Variants in TRIM49C observed in about 807,000 individuals in gnomAD.
The protein encoded by TRIM49C is tripartite motif-containing protein 49C.
A neutral mutation model predicts 21.4 loss-of-function variants in TRIM49C; 6 were observed. The ratio of observed to expected loss-of-function variants is 0.28; its 90% CI spans 0.15 to 0.55. The LOEUF (loss-of-function observed/expected upper bound fraction) is 0.55. Among genes scored for constraint, TRIM49C ranks in the 20% least tolerant of loss-of-function variants. The probability of loss-of-function intolerance (pLI) is 0.94; values close to 1 mark genes in which losing one functional copy is unlikely to be tolerated. For synonymous variants in TRIM49C, 57 were observed against 148.1 expected, an observed-to-expected ratio of 0.38 and a Z score of 4.47; for missense variants, 161 against 442.4, an observed-to-expected ratio of 0.36 and a Z score of 5.71.
the TRIM49C span, among the ~76,000 whole-genome samples, chr11:90,054,503 A>G: frequency 1.5e-4 from 20 of 137,470 alleles, no homozygotes; most frequent in African/African-American, 4.4e-4. Context: ...ATCTCCATTC[A>G]TTGCTATCTT....
At chr11:90,068,976 C>A in the TRIM49C span, among the ~76,000 whole-genome samples, 3 of 109,438 alleles carry the variant, frequency 2.7e-5, no homozygotes, top group African/African-American at 4.0e-5. Context: ...CAGAACAAGA[C>A]CCTGTTTCGA....
intron 1 of TRIM49C, among the ~76,000 whole-genome samples, chr11:90,031,649 T>C (rs1950688568): frequency 1.3e-5 from 2 of 151,830 alleles, no homozygotes; most frequent in African/African-American, 4.8e-5. Context: ...GAGAAAAACG[T>C]TAAAATAATA....
Position 90,035,886 on chromosome 11 carries a change from A to G in TRIM49C, c.412-2A>G. 1 of 857,712 alleles carries G rather than the reference A, an allele frequency of 1.2e-6. No homozygotes were observed. Among genetic ancestry groups the G allele is most frequent in the Non-Finnish European group, 1.6e-6 (1 of 642,452 alleles). 53.1% of individuals were successfully genotyped at this position (857,712 alleles called of 1,614,324 possible). A position where few individuals can be genotyped will look rare whatever the true frequency, so the allele number is the denominator to read the frequency against. On this transcript the variant is annotated splice_acceptor_variant, in intron 3 of 7. Coordinates refer to ENST00000448984, the MANE Select transcript of TRIM49C (RefSeq NM_001195234.1). LOFTEE classifies it high-confidence loss of function. The stretch of plus-strand genomic sequence containing the variant: ...GTGCTTCAATTTATGGCTCTTTTGC[A>G]GGAGAAGCTTTTACAGAAAATGCAG...
chr11:90,034,585 C>A (rs1815239170), intron 2 of TRIM49C, among the ~76,000 whole-genome samples: 1 of 117,060 alleles, frequency 8.5e-6, no homozygotes, highest in African/African-American at 4.0e-5. Flanking sequence ...CAGTCTTTTT[C>A]TTTGTTTATT....
chr11:90,037,087 GTA>G (rs1565480182), intron 4 of TRIM49C, among the ~76,000 whole-genome samples: 6 of 132,984 alleles, frequency 4.5e-5, no homozygotes, highest in African/African-American at 1.1e-4. Flanking sequence ...ATGTATGTAT[GTA>G]TGTATGTATG....
intron 2 of TRIM49C, among the ~76,000 whole-genome samples, chr11:90,033,761 T>A (rs1370382230): frequency 7.6e-6 from 1 of 131,300 alleles, no homozygotes; most frequent in Admixed American, 8.8e-5. Flanking sequence ...CTGGCCAAGA[T>A]GGCAAAACCC....
At chr11:90,069,003 G>A in the TRIM49C span, among the ~76,000 whole-genome samples, 1 of 124,520 alleles carries the variant, frequency 8.0e-6, no homozygotes, top group South Asian at 3.0e-4. Context: ...AAAAAAAATT[G>A]ATAGAGTGAC....
At chr11:90,031,874 T>C (rs1361710692) in intron 1 of TRIM49C, among the ~76,000 whole-genome samples, 2 of 138,392 alleles carry the variant, frequency 1.4e-5, no homozygotes, top group African/African-American at 5.1e-5. Flanking sequence ...ATACCTGTAC[T>C]CTTAGCACTT....
chr11:90,071,598 C>A, the TRIM49C span: 3 of 601,964 alleles, frequency 5.0e-6, no homozygotes, highest in East Asian at 8.8e-5. Context: ...AGGTACATTA[C>A]AATATCAGAA....
chr11:90,066,019 C>T, the TRIM49C span, among the ~76,000 whole-genome samples: 4 of 138,532 alleles, frequency 2.9e-5, 1 homozygote, highest in East Asian at 8.9e-4. Context: ...TTATCACTTG[C>T]TAACTCTTTT....
chr11:90,041,282 A>G lies in TRIM49C; in HGVS notation c.1091A>G (p.Glu364Gly), dbSNP rs1950768238. Reference protein sequence around the residue: ...AFGVCNMYRKEKNQNEKIDGK... With the variant: ...AFGVCNMYRKGKNQNEKIDGK... ...GGTGTCTGTAATATGTATCGGAAGG[A>G]GAAGAATCAGAATGAGAAGATAGAT... is the stretch of plus-strand genomic sequence containing the variant. The change falls in exon 8 of 8, where the codon GAG becomes GGG. Residue 364 changes from glutamate to glycine, a missense_variant. Glu to Gly is a moderately conservative substitution (Grantham distance 98, BLOSUM62 -2). Around this residue, in one of 3 missense-constraint regions of TRIM49C, gnomAD observed 63 missense variants for 67.6 expected, o/e 0.93. Coordinates refer to ENST00000448984, the MANE Select transcript of TRIM49C (RefSeq NM_001195234.1). 1 of 1,587,862 alleles carries G rather than the reference A, an allele frequency of 6.3e-7. No individual in the cohort carries two copies. The highest frequency in any genetic ancestry group is 1.7e-5 in the Admixed American group (1 of 59,084).
At chr11:90,052,593 G>C in the TRIM49C span, 1 of 144,078 alleles carries the variant, frequency 6.9e-6, no homozygotes, top group South Asian at 2.0e-4. Context: ...TCCCCCAACC[G>C]CTCCCGGCAG....
intron 7 of TRIM49C, 36 bp from the exon 8 acceptor site, chr11:90,041,015 T>A (rs1565481230): frequency 6.8e-7 from 1 of 1,478,060 alleles, no homozygotes; most frequent in East Asian, 2.4e-5. Flanking sequence ...TTTACACATG[T>A]CTATGCATGT....
At chr11:90,066,467 A>T in the TRIM49C span, among the ~76,000 whole-genome samples, 1 of 116,968 alleles carries the variant, frequency 8.5e-6, no homozygotes, top group African/African-American at 3.0e-5. Flanking sequence ...TGTTGTTTAA[A>T]AAAGTATAGC....
downstream of TRIM49C, among the ~76,000 whole-genome samples, chr11:90,043,903 A>G (rs1950786883): frequency 1.1e-5 from 1 of 94,752 alleles, no homozygotes; most frequent in East Asian, 3.7e-4. Flanking sequence ...CATTAGGTAT[A>G]TCTCCCAATG....
chr11:90,046,203 G>A (rs1162752091), downstream of TRIM49C, among the ~76,000 whole-genome samples: 2 of 125,422 alleles, frequency 1.6e-5, no homozygotes, highest in African/African-American at 6.5e-5. Flanking sequence ...GAGAACTTTT[G>A]CATCGATGTT....
the TRIM49C span, among the ~76,000 whole-genome samples, chr11:90,055,164 G>A: frequency 1.5e-5 from 2 of 136,632 alleles, no homozygotes; most frequent in East Asian, 4.1e-4. Flanking sequence ...TGTTCTGCAT[G>A]AAATGTGTGA....
the TRIM49C span, among the ~76,000 whole-genome samples, chr11:90,066,212 G>T: frequency 2.2e-4 from 29 of 133,286 alleles, 4 homozygotes; most frequent in East Asian, 4.4e-3. Flanking sequence ...TAGAGACAGG[G>T]TTTCACCATG....
the TRIM49C span, among the ~76,000 whole-genome samples, chr11:90,070,706 A>T: frequency 2.1e-5 from 3 of 141,160 alleles, no homozygotes; most frequent in Non-Finnish European, 3.1e-5. Flanking sequence ...ATACATTTTA[A>T]AAGTGTTGCA....
Sources: allele counts gnomAD v4.1 joint callset (sites outside exome capture counted in the v4.1 genomes callset), GRCh38; gene constraint gnomAD v4.1.1; regional missense constraint gnomAD v4.1.1; transcripts MANE v1.5; gene names NCBI Gene and HGNC (gene_info 2026-07-23, HGNC 2026-07-21).